The following MPLKIP variants were observed in gnomAD, a reference collection of about 807,000 sequenced individuals.
MPLKIP encodes M-phase-specific PLK1-interacting protein.
A neutral mutation model predicts 16.9 loss-of-function variants in MPLKIP; 16 were observed. The observed-to-expected ratio is 0.94, with a 90% CI of 0.64 to 1.43. The LOEUF is 1.43. Ranked by LOEUF, MPLKIP falls within the 40% of genes most tolerant of loss-of-function variation. MPLKIP has a pLI of 0.00. For synonymous variants in MPLKIP, 126 were observed against 98.4 expected, an observed-to-expected ratio of 1.28 and a Z score of -1.66; for missense variants, 282 against 237.6, an observed-to-expected ratio of 1.19 and a Z score of -1.23.
rs959071831 is a variant in MPLKIP, at chr7:40,130,375, T to C, written c.*2684A>G. On this transcript the variant is annotated 3_prime_UTR_variant, in exon 2 of 2. Transcript: ENST00000306984. ...CCAAATGGCCAATGCCACAAGAATT[T>C]TGATAACTGAATACACTACTTACAG... 1 of 152,232 alleles carries C rather than the reference T, an allele frequency of 6.6e-6. No homozygotes were observed. The highest frequency in any genetic ancestry group is 1.5e-5 in the Non-Finnish European group (1 of 68,042). The allele number at this position is 152,232 out of a possible 1,614,324, so 9.4% of individuals were successfully genotyped here.
Position 40,134,523 on chromosome 7 carries a change from A to T in MPLKIP, c.45T>A (p.Gly15=). The T allele has an allele frequency of 6.3e-7, 1 of 1,595,208 alleles. No homozygotes were observed. Among genetic ancestry groups the T allele is most frequent in the South Asian group, 1.1e-5 (1 of 88,428 alleles). The change falls in exon 1 of 2, where the codon GGT becomes GGA. Residue 15 remains glycine (G), a synonymous_variant. Transcript: ENST00000306984. ...NFRPPTPPYP[G]PGGGGWGSGS... is the part of the protein sequence containing the mutation. ...CGCTACCCCAACCTCCTCCACCCGG[A>T]CCAGGGTAAGGAGGAGTTGGGGGCC...
chr7:40,134,404 C>A lies in MPLKIP; in HGVS notation c.164G>T (p.Gly55Val), dbSNP rs917899841. The part of the protein sequence containing the change: ...YGSPHHTPPY[G>V]PRSRPYGSSH... Reference sequence around the variant, plus strand: ...GCTCCCGTACGGCCTAGACCGGGGCCCGTACGGCGGCGTGTGGTGCGGACT... The same window carrying A: ...GCTCCCGTACGGCCTAGACCGGGGCACGTACGGCGGCGTGTGGTGCGGACT... The change falls in exon 1 of 2, where the codon GGG (glycine) becomes GTG (valine). Residue 55 changes from glycine to valine, a missense_variant. Gly to Val is a moderately radical substitution (Grantham distance 109). Transcript: ENST00000306984. The A allele has an allele frequency of 2.6e-6, 4 of 1,562,852 alleles. No homozygotes were observed. Among genetic ancestry groups the A allele is most frequent in the African/African-American group, 2.7e-5 (2 of 73,680 alleles).
At chr7:40,134,196 A>G (rs1466436654) in intron 1 of MPLKIP, 33 bp downstream of exon 1, 2 of 1,545,242 alleles carry the variant, frequency 1.3e-6, no homozygotes, top group Non-Finnish European at 1.8e-6. Flanking sequence ...GCCATAAAGT[A>G]AGAGCTCGGC....
At position 40,132,621 on chromosome 7, in the gene MPLKIP, G is replaced by A. The variant is rs974550445; in HGVS notation, c.*438C>T. The A allele has an allele frequency of 4.2e-6, 1 of 240,662 alleles. No individual in the cohort carries two copies. Among genetic ancestry groups the A allele is most frequent in the African/African-American group, 2.3e-5 (1 of 43,012 alleles). 14.9% of individuals were successfully genotyped at this position (240,662 alleles called of 1,614,324 possible). ...ATACAGAGCTGTCTACAGCTCAAAGGATGGTTTACCTATTTCATTTTCAAA... is the reference window on the plus strand; with the variant it reads ...ATACAGAGCTGTCTACAGCTCAAAGAATGGTTTACCTATTTCATTTTCAAA... On this transcript the variant is annotated 3_prime_UTR_variant, in exon 2 of 2. Transcript: ENST00000306984.
chr7:40,134,088 A>G, intron 1 of MPLKIP, 141 bp downstream of exon 1: 1 of 924,720 alleles, frequency 1.1e-6, no homozygotes, highest in South Asian at 1.6e-5. Context: ...AACTTCTCTA[A>G]GCCTCAGTTC....
chr7:40,134,570 C>A lies in MPLKIP; in HGVS notation c.-3G>T. Reference sequence around the variant, plus strand: ...GGCCGAAAATTCTGTCGCTGCATATCAGGAGCCAAAGCCGAAAACCTCGCA... The same window carrying A: ...GGCCGAAAATTCTGTCGCTGCATATAAGGAGCCAAAGCCGAAAACCTCGCA... On this transcript the variant is annotated 5_prime_UTR_variant, in exon 1 of 2. Coordinates refer to ENST00000306984, the MANE Select transcript of MPLKIP (RefSeq NM_138701.4). 1 of 1,586,092 alleles carries A rather than the reference C, an allele frequency of 6.3e-7. No homozygotes were observed. The highest frequency in any genetic ancestry group is 1.1e-5 in the South Asian group (1 of 87,598).
chr7:40,134,053 T>A (rs1372756636), intron 1 of MPLKIP, among the ~76,000 whole-genome samples, 176 bp downstream of exon 1: 1 of 152,156 alleles, frequency 6.6e-6, no homozygotes, highest in Non-Finnish European at 1.5e-5. Flanking sequence ...TGCCACTCTT[T>A]CGGATAATCT....
chr7:40,134,382 C>T lies in MPLKIP; in HGVS notation c.186G>A (p.Gly62=), dbSNP rs549195423. The T allele has an allele frequency of 4.2e-5, 66 of 1,558,456 alleles. 1 individual carries two copies. The South Asian group carries it at 7.3e-4, about 17-fold the overall frequency. The change falls in exon 1 of 2, where the codon GGG becomes GGA. Residue 62 remains glycine (G), a synonymous_variant. Coordinates refer to ENST00000306984, the MANE Select transcript of MPLKIP (RefSeq NM_138701.4). ...PPYGPRSRPY[G]SSHSPRHGGS... ...CGCCGTGTCGCGGAGAGTGACTGCT[C>T]CCGTACGGCCTAGACCGGGGCCCGT...
Position 40,134,214 on chromosome 7 carries a change from G to A in MPLKIP, c.339+15C>T. 2 of 1,551,238 alleles carry A rather than the reference G, an allele frequency of 1.3e-6. No individual in the cohort carries two copies. The highest frequency in any genetic ancestry group is 1.7e-6 in the Non-Finnish European group (2 of 1,146,956). On this transcript the variant is annotated intron_variant, in intron 1 of 1. Coordinates refer to ENST00000306984, the MANE Select transcript of MPLKIP (RefSeq NM_138701.4). ...ATAAAGTAAGAGCTCGGCAAACGCT[G>A]GCTATTATTATTACCTGGGGGTGGG...
At position 40,134,399 on chromosome 7, in the gene MPLKIP, G is replaced by T; in HGVS notation, c.169C>A (p.Arg57=). 1 of 1,562,252 alleles carries T rather than the reference G, an allele frequency of 6.4e-7. No individual in the cohort carries two copies. The highest frequency in any genetic ancestry group is 2.4e-5 in the East Asian group (1 of 41,896). ...SPHHTPPYGP[R]SRPYGSSHSP... ...TGACTGCTCCCGTACGGCCTAGACC[G>T]GGGCCCGTACGGCGGCGTGTGGTGC... Residue 57 remains arginine (R), a synonymous_variant, in exon 1 of 2, where the codon CGG becomes AGG. Transcript: ENST00000306984.
In MPLKIP at chr7:40,129,578, A is replaced by C. The variant is rs1030622467; in HGVS notation, c.*3481T>G. ...GCCTATAACTCATTTTTAACACCAC[A>C]CTTTACCCACAATGAAAATAGATTA... On this transcript the variant is annotated 3_prime_UTR_variant, in exon 2 of 2. Coordinates refer to ENST00000306984, the MANE Select transcript of MPLKIP (RefSeq NM_138701.4). The C allele has an allele frequency of 1.3e-5, 2 of 151,968 alleles. No homozygotes were observed. Among genetic ancestry groups the C allele is most frequent in the African/African-American group, 4.8e-5 (2 of 41,388 alleles). The allele number at this position is 151,968 out of a possible 1,614,324, so 9.4% of individuals were successfully genotyped here. A position where few individuals can be genotyped will look rare whatever the true frequency, so the allele number is the denominator to read the frequency against.
rs189030136 is a variant in MPLKIP at position 40,130,606 on chromosome 7, A to C, written c.*2453T>G. The C allele has an allele frequency of 4.1e-4, 63 of 152,318 alleles. No individual in the cohort carries two copies. Among genetic ancestry groups the C allele is most frequent in the Non-Finnish European group, 6.3e-4 (43 of 68,030 alleles). 9.4% of individuals were successfully genotyped at this position (152,318 alleles called of 1,614,324 possible). On this transcript the variant is annotated 3_prime_UTR_variant, in exon 2 of 2. Transcript: ENST00000306984. ...ATAAATACACTGGCACAAAATCCTA[A>C]CTTCTGTTTTCGTCTTTACTAATAA...
chr7:40,133,963 T>C lies in MPLKIP; in HGVS notation c.339+266A>G, dbSNP rs1787528403. Among the ~76,000 whole-genome samples the C allele has an allele frequency of 2.7e-5, 4 of 147,032 alleles. No individual in the cohort carries two copies. The South Asian group carries it at 6.5e-4, about 24-fold the overall frequency. ...AAGGCCTTTGGCAAACAGGAGGAAATGGAGAATTAGGAAAATCTGTGTACG... is the reference window on the plus strand; with the variant it reads ...AAGGCCTTTGGCAAACAGGAGGAAACGGAGAATTAGGAAAATCTGTGTACG... On this transcript the variant is annotated intron_variant, in intron 1 of 1. Coordinates refer to ENST00000306984, the MANE Select transcript of MPLKIP (RefSeq NM_138701.4).
chr7:40,133,902 A>G (rs976254465), intron 1 of MPLKIP, among the ~76,000 whole-genome samples: 29 of 149,864 alleles, frequency 1.9e-4, no homozygotes, highest in African/African-American at 3.6e-4. Context: ...AAAAAAAAAA[A>G]AAAAGAAAAA....
At position 40,131,848 on chromosome 7, in the gene MPLKIP, C is replaced by G. The variant is rs1366986538; in HGVS notation, c.*1211G>C. On this transcript the variant is annotated 3_prime_UTR_variant, in exon 2 of 2. Transcript: ENST00000306984. ...GTGAGACCCTATTTCAAAAACAAAACAAAACAAACAAAAAAAACAAAACAT... is the reference window on the plus strand; with the variant it reads ...GTGAGACCCTATTTCAAAAACAAAAGAAAACAAACAAAAAAAACAAAACAT... 2.2e-5 allele frequency: 3 copies of G among 138,738 alleles called. No homozygotes were observed. The highest frequency in any genetic ancestry group is 4.4e-5 in the Non-Finnish European group (3 of 67,652). The allele number at this position is 138,738 out of a possible 1,614,324, so 8.6% of individuals were successfully genotyped here. A position where few individuals can be genotyped will look rare whatever the true frequency, so the allele number is the denominator to read the frequency against.
At position 40,134,314 on chromosome 7, in the gene MPLKIP, C is replaced by T. The variant is rs1235054323; in HGVS notation, c.254G>A (p.Gly85Asp). ...GGACCTGGAGTAGGAGCCAGGGTAG[C>T]CGCCAGGGGACGGAGACCCGAACCG... ...GGRFGSPSPGGYPGSYSRSPA... is the reference protein window; with the variant it reads ...GGRFGSPSPGDYPGSYSRSPA... Residue 85 changes from glycine (G) to aspartate (D), a missense_variant, in exon 1 of 2, where the codon GGC becomes GAC. Physicochemically the swap from Gly to Asp is moderately conservative, Grantham distance 94. Coordinates refer to ENST00000306984, the MANE Select transcript of MPLKIP (RefSeq NM_138701.4). The T allele has an allele frequency of 3.9e-6, 6 of 1,555,966 alleles. No homozygotes were observed. Among genetic ancestry groups the T allele is most frequent in the Non-Finnish European group, 4.3e-6 (5 of 1,150,156 alleles).
rs1432834482 is a variant in MPLKIP at position 40,130,103 on chromosome 7, G to C, written c.*2956C>G. 2 of 152,166 alleles carry C rather than the reference G, an allele frequency of 1.3e-5. No individual in the cohort carries two copies. The highest frequency in any genetic ancestry group is 2.9e-5 in the Non-Finnish European group (2 of 68,028). The allele number at this position is 152,166 out of a possible 1,614,324, so 9.4% of individuals were successfully genotyped here. On this transcript the variant is annotated 3_prime_UTR_variant, in exon 2 of 2. Coordinates refer to ENST00000306984, the MANE Select transcript of MPLKIP (RefSeq NM_138701.4). The stretch of plus-strand genomic sequence containing the variant: ...GCTATTTATGCCTGCATATCCCTTA[G>C]AAAGTTTAATATTCCCAGGAGTATG...
In MPLKIP at chr7:40,134,469, C is replaced by T; in HGVS notation, c.99G>A (p.Gly33=). ...SGSSFRGTPG[G]GGPRPPSPRD... ...GAGGGGAGGGCGGCCGTGGTCCGCC[C>T]CCGCCCGGGGTTCCCCGGAAGCTGC... Residue 33 remains glycine (G), a synonymous_variant, in exon 1 of 2, where the codon GGG becomes GGA. Coordinates refer to ENST00000306984, the MANE Select transcript of MPLKIP (RefSeq NM_138701.4). The T allele has an allele frequency of 1.3e-6, 2 of 1,573,330 alleles. No individual in the cohort carries two copies. The highest frequency in any genetic ancestry group is 1.7e-6 in the Non-Finnish European group (2 of 1,161,228).
chr7:40,134,358 G>T lies in MPLKIP; in HGVS notation c.210C>A (p.Gly70=). 1.9e-6 allele frequency: 3 copies of T among 1,553,794 alleles called. No individual in the cohort carries two copies. Among genetic ancestry groups the T allele is most frequent in the Non-Finnish European group, 2.6e-6 (3 of 1,149,654 alleles). ...PYGSSHSPRH[G]GSFPGGRFGS... ...CGAACCGGCCCCCCGGGAAGCTGCC[G>T]CCGTGTCGCGGAGAGTGACTGCTCC... Residue 70 remains glycine (G), a synonymous_variant, in exon 1 of 2, where the codon GGC becomes GGA. Coordinates refer to ENST00000306984, the MANE Select transcript of MPLKIP (RefSeq NM_138701.4).
Sources: allele counts gnomAD v4.1 joint callset (sites outside exome capture counted in the v4.1 genomes callset), GRCh38; gene constraint gnomAD v4.1.1; transcripts MANE v1.5; gene names NCBI Gene and HGNC (gene_info 2026-07-23, HGNC 2026-07-21).